Variants in PTPRD observed in about 807,000 individuals in gnomAD.
The protein encoded by PTPRD is protein tyrosine phosphatase receptor type D.
Under a neutral mutation model 214.5 loss-of-function variants are expected in PTPRD, and 34 were observed. The observed-to-expected ratio is 0.16, with a 90% confidence interval of 0.12 to 0.21. PTPRD has a LOEUF of 0.21. Ranked by LOEUF, PTPRD falls within the 10% of genes least tolerant of loss-of-function variation. The pLI is 1.00. For synonymous variants in PTPRD, 1,128 were observed against 845.7 expected (o/e 1.33, Z -5.79); for missense variants, 2,545 against 2,398.7 (o/e 1.06, Z -1.27).
intron 11 of PTPRD, among the ~76,000 whole-genome samples, chr9:8,772,352 G>T (rs2095265636): frequency 6.6e-6 from 1 of 150,740 alleles, no homozygotes; most frequent in East Asian, 1.9e-4. Flanking sequence ...ATATTTGCAT[G>T]TCACTACTTA....
At chr9:8,498,840 TG>T (rs2097333979) in intron 25 of PTPRD, among the ~76,000 whole-genome samples, 1 of 152,158 alleles carries the variant, frequency 6.6e-6, no homozygotes, top group African/African-American at 2.4e-5. Flanking sequence ...CAGGAAAATA[TG>T]TAAAACTCAA....
intron 7 of PTPRD, among the ~76,000 whole-genome samples, chr9:9,689,790 C>T (rs1010858763): frequency 2.6e-5 from 4 of 151,784 alleles, no homozygotes; most frequent in African/African-American, 7.3e-5. Flanking sequence ...CCTCCAGTTC[C>T]GTAGACGTTG....
chr9:10,314,334 A>T (rs2096362243), intron 3 of PTPRD, among the ~76,000 whole-genome samples: 1 of 151,944 alleles, frequency 6.6e-6, no homozygotes. Context: ...AAACAGAATC[A>T]AAGGATTTGT....
chr9:8,397,913 C>T (rs542634312), intron 36 of PTPRD, among the ~76,000 whole-genome samples: 43 of 152,184 alleles, frequency 2.8e-4, no homozygotes, highest in South Asian at 1.0e-3. Flanking sequence ...AATCAAACAG[C>T]AGATGATATA....
chr9:10,603,395 T>G (rs929912166), intron 2 of PTPRD, among the ~76,000 whole-genome samples: 1 of 151,888 alleles, frequency 6.6e-6, no homozygotes, highest in Non-Finnish European at 1.5e-5. Context: ...ATCATTTACT[T>G]ATGATAACTT....
chr9:8,412,269 C>T (rs149313371), intron 35 of PTPRD, among the ~76,000 whole-genome samples: 4 of 152,118 alleles, frequency 2.6e-5, no homozygotes, highest in Non-Finnish European at 4.4e-5. Context: ...ATAGGTTATG[C>T]ACACCTAGAA....
chr9:8,835,456 G>C (rs1174520315), intron 11 of PTPRD, among the ~76,000 whole-genome samples: 5 of 152,220 alleles, frequency 3.3e-5, no homozygotes, highest in African/African-American at 1.2e-4. Flanking sequence ...TAAAGCAACA[G>C]TGATTCAACC....
Position 9,306,059 on chromosome 9 carries a change from T to G in PTPRD, c.-203+91390A>C, listed in dbSNP as rs532313628. Among the ~76,000 whole-genome samples the G allele has an allele frequency of 2.6e-4, 40 of 152,086 alleles. 1 individual carries two copies. In the South Asian group the frequency reaches 8.3e-3, roughly 32 times the overall value. On this transcript the variant is annotated intron_variant, in intron 9 of 45. Transcript: ENST00000381196. ...TACCAGTCATAACACCAGTACAGAG[T>G]ACAATAAGAGAACATCAGTAGAACA...
Position 10,195,204 on chromosome 9 carries a change from A to C in PTPRD, c.-545+145759T>G, listed in dbSNP as rs150184710. Among the ~76,000 whole-genome samples, 482 of 151,562 alleles carry C rather than the reference A, an allele frequency of 3.2e-3. 6 individuals carry two copies. Among genetic ancestry groups the C allele is most frequent in the African/African-American group, 0.011 (457 of 41,310 alleles). On this transcript the variant is annotated intron_variant, in intron 3 of 45. Coordinates refer to ENST00000381196, the MANE Select transcript of PTPRD (RefSeq NM_002839.4). Reference sequence around the variant, plus strand: ...ACAAGCATTTGTAACAGGATGAATAAAAACGGAAGGGAATATTGTACAATG... The same window carrying C: ...ACAAGCATTTGTAACAGGATGAATACAAACGGAAGGGAATATTGTACAATG...
intron 12 of PTPRD, among the ~76,000 whole-genome samples, chr9:8,729,332 G>T (rs534325518): frequency 6.6e-6 from 1 of 152,018 alleles, no homozygotes; most frequent in Non-Finnish European, 1.5e-5. Context: ...GGAAGCAAGG[G>T]TTTATAAGAA....
chr9:8,869,421 A>G (rs2098255183), intron 11 of PTPRD, among the ~76,000 whole-genome samples: 2 of 152,162 alleles, frequency 1.3e-5, no homozygotes, highest in African/African-American at 2.4e-5. Flanking sequence ...AGTCACAGAG[A>G]ACCTTAAGAG....
At chr9:9,896,231 T>C (rs913700100) in intron 5 of PTPRD, among the ~76,000 whole-genome samples, 4 of 152,066 alleles carry the variant, frequency 2.6e-5, no homozygotes, top group Non-Finnish European at 2.9e-5. Context: ...ACTATTTCCA[T>C]GATATCAGGG....
intron 5 of PTPRD, among the ~76,000 whole-genome samples, chr9:9,798,775 A>G (rs1346979677): frequency 6.6e-6 from 1 of 152,214 alleles, no homozygotes; most frequent in East Asian, 1.9e-4. Context: ...CTGATTTATG[A>G]AGCAGACACA....
intron 9 of PTPRD, among the ~76,000 whole-genome samples, chr9:9,360,573 GATA>G (rs1354444293): frequency 4.6e-5 from 7 of 151,004 alleles, no homozygotes; most frequent in African/African-American, 1.7e-4. Flanking sequence ...AAGTAAAGCT[GATA>G]ATGAGAAAAA....
At chr9:8,891,611 A>G (rs1295626034) in intron 11 of PTPRD, among the ~76,000 whole-genome samples, 1 of 152,184 alleles carries the variant, frequency 6.6e-6, no homozygotes, top group Non-Finnish European at 1.5e-5. Context: ...TCTTCTTACT[A>G]GGAAAGCCAC....
chr9:9,253,313 AC>A lies in PTPRD; in HGVS notation c.-202-69951del, dbSNP rs1180822468. Among the ~76,000 whole-genome samples the A allele has an allele frequency of 2.6e-5, 4 of 151,934 alleles. No individual in the cohort carries two copies. In the South Asian group the frequency reaches 6.2e-4, roughly 24 times the overall value. On this transcript the variant is annotated intron_variant, in intron 9 of 45. Coordinates refer to ENST00000381196, the MANE Select transcript of PTPRD (RefSeq NM_002839.4). The stretch of plus-strand genomic sequence containing the variant: ...ATAAATTATTAATTGATGAGGCCTG[AC>A]TTTTTTTATTAATTTACAATTTTTA...
At chr9:9,838,891 T>C (rs1469864845) in intron 5 of PTPRD, among the ~76,000 whole-genome samples, 3 of 152,180 alleles carry the variant, frequency 2.0e-5, no homozygotes, top group Non-Finnish European at 4.4e-5. Flanking sequence ...AGGATTTTTA[T>C]GGTTTTAGGT....
chr9:9,587,224 T>C (rs1338337322), intron 7 of PTPRD, among the ~76,000 whole-genome samples: 1 of 151,992 alleles, frequency 6.6e-6, no homozygotes, highest in African/African-American at 2.4e-5. Context: ...ATAATAATTA[T>C]AATTGTTAAT....
intron 14 of PTPRD, among the ~76,000 whole-genome samples, chr9:8,586,877 G>A (rs893582376): frequency 1.4e-4 from 22 of 152,200 alleles, no homozygotes; most frequent in African/African-American, 2.9e-4. Context: ...GCTGGGCGCC[G>A]TGGCTCAGGC....
Sources: gnomAD v4.1 joint callset for allele counts (sites outside exome capture counted in the v4.1 genomes callset) on GRCh38, gnomAD v4.1.1 for gene constraint, MANE v1.5 for transcripts, NCBI Gene and HGNC (gene_info 2026-07-23, HGNC 2026-07-21) for gene names.